Variants in CD109 observed in about 807,000 individuals in gnomAD.
The protein encoded by CD109 is CD109 antigen.
Under a neutral mutation model 165.8 loss-of-function variants are expected in CD109, and 149 were observed. The observed-to-expected ratio is 0.90, with a 90% CI of 0.79 to 1.03. The LOEUF is 1.03. Among genes scored for constraint, CD109 ranks in the 50% least tolerant of loss-of-function variants. CD109 has a pLI of 0.00. For synonymous variants in CD109, 585 were observed against 592.1 expected, an observed-to-expected ratio of 0.99 and a Z score of 0.18; for missense variants, 1,712 against 1,677.8, an observed-to-expected ratio of 1.02 and a Z score of -0.36.
At position 73,824,497 on chromosome 6, in the gene CD109, C is replaced by T. The variant is rs1353540693; in HGVS notation, c.*864C>T. Reference sequence around the variant, plus strand: ...GAGACACTGTGAGCCAGGGATACAACAAAATACTAGGTAAGTCACTGCAGA... The same window carrying T: ...GAGACACTGTGAGCCAGGGATACAATAAAATACTAGGTAAGTCACTGCAGA... On this transcript the variant is annotated 3_prime_UTR_variant, in exon 33 of 33. Coordinates refer to ENST00000287097, the MANE Select transcript of CD109 (RefSeq NM_133493.5). 6.6e-6 allele frequency: 1 copy of T among 152,182 alleles called. No homozygotes were observed. The highest frequency in any genetic ancestry group is 1.5e-5 in the Non-Finnish European group (1 of 68,070). 9.4% of individuals were successfully genotyped at this position (152,182 alleles called of 1,614,324 possible). A position where few individuals can be genotyped will look rare whatever the true frequency, so the allele number is the denominator to read the frequency against.
At chr6:73,780,809 T>A (rs1582147853) in intron 16 of CD109, among the ~76,000 whole-genome samples, 1 of 120,326 alleles carries the variant, frequency 8.3e-6, no homozygotes, top group Non-Finnish European at 1.7e-5. Flanking sequence ...TGTATATATA[T>A]AATATATAAA....
intron 2 of CD109, among the ~76,000 whole-genome samples, chr6:73,702,064 A>G (rs1359603041): frequency 6.6e-6 from 1 of 152,164 alleles, no homozygotes; most frequent in Non-Finnish European, 1.5e-5. Context: ...TGCCAATCCT[A>G]CTTCCATCTT....
rs1339053300 is a variant in CD109 at position 73,697,497 on chromosome 6, G to A, written c.172G>A (p.Val58Met). ...LLEHCPSQVT[V>M]KAELLKTASN... The stretch of plus-strand genomic sequence containing the variant: ...GGAACACTGCCCTTCACAGGTGACT[G>A]TGAAGGCGGAGCTGCTCAAGACAGC... Residue 58 changes from valine (V) to methionine (M), a missense_variant, in exon 2 of 33, where the codon GTG becomes ATG. Val to Met is a conservative substitution (Grantham distance 21). Transcript: ENST00000287097. The A allele has an allele frequency of 3.1e-6, 5 of 1,614,154 alleles. No individual in the cohort carries two copies. In the South Asian group the frequency reaches 5.5e-5, roughly 18 times the overall value.
rs1231518019 is a variant in CD109 at position 73,827,773 on chromosome 6, T to C, written c.*4140T>C. ...AGGAAAATAGATATTTCCTAGATGA[T>C]TTCTGAGTTTCTTACTGCAAAGAAC... is the stretch of plus-strand genomic sequence containing the variant. On this transcript the variant is annotated 3_prime_UTR_variant, in exon 33 of 33. Transcript: ENST00000287097. The C allele has an allele frequency of 2.6e-5, 4 of 152,352 alleles. No homozygotes were observed. The highest frequency in any genetic ancestry group is 4.8e-5 in the African/African-American group (2 of 41,586). The allele number at this position is 152,352 out of a possible 1,614,324, so 9.4% of individuals were successfully genotyped here. A position where few individuals can be genotyped will look rare whatever the true frequency, so the allele number is the denominator to read the frequency against.
intron 2 of CD109, among the ~76,000 whole-genome samples, chr6:73,717,503 A>G (rs1448678496): frequency 6.6e-6 from 1 of 151,644 alleles, no homozygotes; most frequent in Non-Finnish European, 1.5e-5. Flanking sequence ...TCTTTGATCA[A>G]GTTAATGCCT....
intron 5 of CD109, among the ~76,000 whole-genome samples, chr6:73,745,038 A>G (rs1772928910): frequency 6.6e-6 from 1 of 152,248 alleles, no homozygotes; most frequent in Admixed American, 6.5e-5. Context: ...ACTAGCAACT[A>G]GTTTACTCAT....
intron 2 of CD109, among the ~76,000 whole-genome samples, chr6:73,707,524 G>C (rs1002025963): frequency 2.0e-5 from 3 of 152,082 alleles, no homozygotes; most frequent in Admixed American, 2.0e-4. Flanking sequence ...GGTTAGAATG[G>C]GTGCTCAGGA....
chr6:73,734,467 A>G (rs1772475461), intron 4 of CD109, among the ~76,000 whole-genome samples: 1 of 152,240 alleles, frequency 6.6e-6, no homozygotes, highest in African/African-American at 2.4e-5. Context: ...ATTACTAGAC[A>G]GCATATATTT....
chr6:73,736,459 T>C lies in CD109; in HGVS notation c.584T>C (p.Leu195Pro). The C allele has an allele frequency of 6.2e-7, 1 of 1,613,908 alleles. No homozygotes were observed. Among genetic ancestry groups the C allele is most frequent in the Non-Finnish European group, 8.5e-7 (1 of 1,179,828 alleles). ...DLGVISKTFQLSSHPILGDWS... is the reference protein window; with the variant it reads ...DLGVISKTFQPSSHPILGDWS... Reference sequence around the variant, plus strand: ...GGAGTCATTTCCAAAACTTTTCAGCTATCTTCCCATCCAATACTTGGTGAC... The same window carrying C: ...GGAGTCATTTCCAAAACTTTTCAGCCATCTTCCCATCCAATACTTGGTGAC... Residue 195 changes from leucine (L) to proline (P), a missense_variant, in exon 5 of 33, where the codon CTA becomes CCA. By Grantham distance (98) the Leu-to-Pro change is moderately conservative. Transcript: ENST00000287097.
the CD109 span, among the ~76,000 whole-genome samples, chr6:73,684,194 G>A: frequency 6.8e-6 from 1 of 147,552 alleles, no homozygotes; most frequent in Non-Finnish European, 1.5e-5. Context: ...CCTCTGTATT[G>A]TTTTCTCTTT....
chr6:73,773,622 G>C (rs1774129041), intron 15 of CD109, among the ~76,000 whole-genome samples: 2 of 151,872 alleles, frequency 1.3e-5, no homozygotes, highest in South Asian at 2.1e-4. Context: ...TATCCTTGTT[G>C]GTTTCTAAAG....
chr6:73,733,280 G>T (rs376695879), intron 4 of CD109, among the ~76,000 whole-genome samples: 3 of 152,198 alleles, frequency 2.0e-5, no homozygotes, highest in Non-Finnish European at 4.4e-5. Context: ...GCAGGCTGAT[G>T]TGGAGAAGTG....
At chr6:73,791,134 T>TAC (rs573195220) in intron 22 of CD109, among the ~76,000 whole-genome samples, 35 of 77,064 alleles carry the variant, frequency 4.5e-4, no homozygotes, top group East Asian at 1.5e-3. Context: ...TATACATACA[T>TAC]ACATATATAT....
At chr6:73,694,047 A>G (rs1052222792), upstream of CD109, 4 of 151,902 alleles carry the variant, frequency 2.6e-5, no homozygotes, top group Non-Finnish European at 5.9e-5. Flanking sequence ...CACCATCCAC[A>G]CTTGGCTAAT....
At chr6:73,695,998 A>C, upstream of CD109, 1 of 532,480 alleles carries the variant, frequency 1.9e-6, no homozygotes, top group Non-Finnish European at 3.3e-6. Flanking sequence ...TGTTTGCCAC[A>C]GCAGCGAGAA....
chr6:73,808,161 G>C lies in CD109; in HGVS notation c.3268G>C (p.Ala1090Pro). ...AGGAATTTCAGACAATTATACTCTA[G>C]CCCTTATAACTTATGCATTGTCATC... ...SRGISDNYTL[A>P]LITYALSSVG... The change falls in exon 26 of 33, where the codon GCC (alanine) becomes CCC (proline). Residue 1090 changes from alanine to proline, a missense_variant. Coordinates refer to ENST00000287097, the MANE Select transcript of CD109 (RefSeq NM_133493.5). The C allele has an allele frequency of 6.2e-7, 1 of 1,613,532 alleles. No homozygotes were observed. The highest frequency in any genetic ancestry group is 8.5e-7 in the Non-Finnish European group (1 of 1,179,638).
intron 22 of CD109, among the ~76,000 whole-genome samples, chr6:73,790,599 C>G (rs1314644599): frequency 1.3e-5 from 2 of 152,160 alleles, no homozygotes; most frequent in African/African-American, 4.8e-5. Flanking sequence ...AGTACTCACT[C>G]TGAGTCCAAA....
At chr6:73,729,807 C>T (rs1456966885) in intron 3 of CD109, among the ~76,000 whole-genome samples, 1 of 152,028 alleles carries the variant, frequency 6.6e-6, no homozygotes, top group Admixed American at 6.6e-5. Context: ...AGTTAACGTG[C>T]CTGGGAAGGA....
intron 5 of CD109, among the ~76,000 whole-genome samples, chr6:73,750,190 T>C (rs1773135817): frequency 6.6e-6 from 1 of 152,074 alleles, no homozygotes; most frequent in South Asian, 2.1e-4. Context: ...GAGCAAAAGG[T>C]ACCTGGGAAT....
Sources: gnomAD v4.1 joint callset for allele counts (sites outside exome capture counted in the v4.1 genomes callset) on GRCh38, gnomAD v4.1.1 for gene constraint, MANE v1.5 for transcripts, NCBI Gene and HGNC (gene_info 2026-07-23, HGNC 2026-07-21) for gene names.